Variants in LPIN3 observed in about 807,000 individuals in gnomAD.
The protein encoded by LPIN3 is phosphatidate phosphatase LPIN3.
A neutral mutation model predicts 94.7 loss-of-function variants in LPIN3; 82 were observed. The ratio of observed to expected loss-of-function variants is 0.87; its 90% CI spans 0.72 to 1.04. The LOEUF (loss-of-function observed/expected upper bound fraction) is 1.04, where lower values mean the gene tolerates loss of function less well. Ranked by LOEUF, LPIN3 falls within the 50% of genes least tolerant of loss-of-function variation. The pLI is 0.00. For synonymous variants in LPIN3, 418 were observed against 443.3 expected, an observed-to-expected ratio of 0.94 and a Z score of 0.72; for missense variants, 996 against 1,090.5, an observed-to-expected ratio of 0.91 and a Z score of 1.22.
In LPIN3 at chr20:41,345,851, G is replaced by A. The variant is rs1230113100; in HGVS notation, c.48G>A (p.Lys16=). The A allele has an allele frequency of 1.7e-5, 27 of 1,614,240 alleles. No homozygotes were observed. Among genetic ancestry groups the A allele is most frequent in the Non-Finnish European group, 2.3e-5 (27 of 1,180,042 alleles). The change falls in exon 2 of 20, where the codon AAG becomes AAA. Residue 16 remains lysine (K), a synonymous_variant. Coordinates refer to ENST00000373257, the MANE Select transcript of LPIN3 (RefSeq NM_022896.3). The stretch of plus-strand genomic sequence containing the variant: ...CGGAGACGGTGTTTGGGACGGTGAA[G>A]GAGCTGTACCGGGGCCTGAACCCAG... ...QLAETVFGTV[K]ELYRGLNPAT... is the part of the protein sequence containing the mutation.
chr20:41,344,955 C>T (rs1228020351), intron 1 of LPIN3, among the ~76,000 whole-genome samples: 1 of 152,212 alleles, frequency 6.6e-6, no homozygotes, highest in Admixed American at 6.5e-5. Flanking sequence ...CTTAAGCCCC[C>T]AGCTATAGGG....
rs113508366 is a variant in LPIN3, at chr20:41,353,958, G to C, written c.1528-687G>C. Among the ~76,000 whole-genome samples, 863 of 152,250 alleles carry C rather than the reference G, an allele frequency of 5.7e-3. 3 individuals are homozygous for C. The highest frequency in any genetic ancestry group is 0.015 in the South Asian group (72 of 4,822). On this transcript the variant is annotated intron_variant, in intron 11 of 19. Coordinates refer to ENST00000373257, the MANE Select transcript of LPIN3 (RefSeq NM_022896.3). ...CAGACCCACCGCTTGAGGCCCCTGA[G>C]AGACCCCTACCCCACCAGCCTGTTC...
rs375380137 is a variant in LPIN3, at chr20:41,352,291, A to T, written c.1363+71A>T. ...CCAGAGGATGGGGAGGGCAGGGAAG[A>T]CTGTGAGGGTGGGGCAGTAGAGGTG... On this transcript the variant is annotated intron_variant, in intron 9 of 19. Coordinates refer to ENST00000373257, the MANE Select transcript of LPIN3 (RefSeq NM_022896.3). 4.5e-5 allele frequency: 70 copies of T among 1,560,852 alleles called. 1 individual carries two copies. The East Asian group carries it at 5.2e-4, about 12-fold the overall frequency.
chr20:41,345,221 G>T (rs1170147533), intron 1 of LPIN3, among the ~76,000 whole-genome samples: 2 of 152,118 alleles, frequency 1.3e-5, no homozygotes, highest in African/African-American at 2.4e-5. Flanking sequence ...CAGGGCCCTG[G>T]GCCTGCTATC....
chr20:41,350,268 G>C lies in LPIN3; in HGVS notation c.973G>C (p.Glu325Gln). Residue 325 changes from glutamate to glutamine, a missense_variant, in exon 7 of 20, where the codon GAG (glutamate) becomes CAG (glutamine). Transcript: ENST00000373257. ...AGTGGGTCCCCCTCTCCACACCCCA[G>C]AGACAGAGGAAAGCAAGACTCAGAG... is the stretch of plus-strand genomic sequence containing the variant. ...TLVGPPLHTP[E>Q]TEESKTQSSG... The C allele has an allele frequency of 6.2e-7, 1 of 1,613,776 alleles. No individual in the cohort carries two copies. The highest frequency in any genetic ancestry group is 8.5e-7 in the Non-Finnish European group (1 of 1,179,926).
intron 2 of LPIN3, among the ~76,000 whole-genome samples, chr20:41,346,741 C>CA (rs1600713736): frequency 6.6e-6 from 1 of 152,012 alleles, no homozygotes; most frequent in East Asian, 1.9e-4. Flanking sequence ...AACTCCGTCT[C>CA]AAAAAATAAA....
rs1308685382 is a variant in LPIN3 at position 41,359,967 on chromosome 20, AC to A, written c.*1103del. On this transcript the variant is annotated 3_prime_UTR_variant, in exon 20 of 20. Coordinates refer to ENST00000373257, the MANE Select transcript of LPIN3 (RefSeq NM_022896.3). ...CTGTCTTTGAAGAAAGTAGCTTTAG[AC>A]CGGCTAAAAGCTTTAATCCAGAGCC... The A allele has an allele frequency of 6.6e-6, 1 of 152,600 alleles. No individual in the cohort carries two copies. The highest frequency in any genetic ancestry group is 2.4e-5 in the African/African-American group (1 of 41,454). 9.5% of individuals were successfully genotyped at this position (152,600 alleles called of 1,614,324 possible).
chr20:41,345,272 A>G lies in LPIN3; in HGVS notation c.-8-524A>G, dbSNP rs1315464731. Among the ~76,000 whole-genome samples, 4 of 152,026 alleles carry G rather than the reference A, an allele frequency of 2.6e-5. No homozygotes were observed. In the East Asian group the frequency reaches 7.7e-4, roughly 29 times the overall value. On this transcript the variant is annotated intron_variant, in intron 1 of 19. Coordinates refer to ENST00000373257, the MANE Select transcript of LPIN3 (RefSeq NM_022896.3). ...CTCTTCCCACCCCCTCCGTTTTCAC[A>G]GTTGGACCATCCCAGTGGAACCACA...
At position 41,340,925 on chromosome 20, in the gene LPIN3, A is replaced by G. The variant is rs1170709720; in HGVS notation, c.-86A>G. 4 of 152,260 alleles carry G rather than the reference A, an allele frequency of 2.6e-5. No homozygotes were observed. The highest frequency in any genetic ancestry group is 5.9e-5 in the Non-Finnish European group (4 of 68,102). 9.4% of individuals were successfully genotyped at this position (152,260 alleles called of 1,614,324 possible). A position where few individuals can be genotyped will look rare whatever the true frequency, so the allele number is the denominator to read the frequency against. ...AGCGCCAAGTGACTGAGGGCCGAAG[A>G]CACTCACCTGTGGAGCCTGTGCACG... is the stretch of plus-strand genomic sequence containing the variant. On this transcript the variant is annotated 5_prime_UTR_variant, in exon 1 of 20. Coordinates refer to ENST00000373257, the MANE Select transcript of LPIN3 (RefSeq NM_022896.3).
intron 1 of LPIN3, among the ~76,000 whole-genome samples, 198 bp downstream of exon 1, chr20:41,341,200 A>G (rs1302783655): frequency 6.6e-6 from 1 of 152,090 alleles, no homozygotes; most frequent in Non-Finnish European, 1.5e-5. Flanking sequence ...CCCCCTGGAC[A>G]CCCAGAACGT....
chr20:41,345,537 C>T (rs1166995524), intron 1 of LPIN3, among the ~76,000 whole-genome samples: 2 of 152,200 alleles, frequency 1.3e-5, no homozygotes, highest in African/African-American at 4.8e-5. Context: ...TACCTTGTGC[C>T]CTATTTTACA....
In LPIN3 at chr20:41,346,005, C is replaced by T. The variant is rs1396254905; in HGVS notation, c.192+10C>T. On this transcript the variant is annotated intron_variant, in intron 2 of 19. Transcript: ENST00000373257. ...GTCGCGGGAGAAGGTGGTGAGTGCT[C>T]AGGCTGGCTGAGGTGGCTACTGCAG... The T allele has an allele frequency of 6.2e-7, 1 of 1,610,508 alleles. No individual in the cohort carries two copies. The highest frequency in any genetic ancestry group is 8.5e-7 in the Non-Finnish European group (1 of 1,178,280).
chr20:41,349,785 G>A lies in LPIN3; in HGVS notation c.650G>A (p.Gly217Asp), dbSNP rs779525857. The A allele has an allele frequency of 6.2e-7, 1 of 1,613,376 alleles. No individual in the cohort carries two copies. Among genetic ancestry groups the A allele is most frequent in the African/African-American group, 1.3e-5 (1 of 75,044 alleles). ...EWPPQASLSA[G>D]ELTSPKSDSE... Reference sequence around the variant, plus strand: ...TATGTCTCCTGCAGCCTCTCAGCAGGTGAGCTAACATCCCCTAAGAGCGAC... The same window carrying A: ...TATGTCTCCTGCAGCCTCTCAGCAGATGAGCTAACATCCCCTAAGAGCGAC... The change falls in exon 6 of 20, where the codon GGT becomes GAT. Residue 217 changes from glycine (G) to aspartate (D), a missense_variant. Coordinates refer to ENST00000373257, the MANE Select transcript of LPIN3 (RefSeq NM_022896.3).
rs146929537 is a variant in LPIN3, at chr20:41,358,772, G to A, written c.2462G>A (p.Arg821His). 1.1e-4 allele frequency: 176 copies of A among 1,613,994 alleles called. No homozygotes were observed. Among genetic ancestry groups the A allele is most frequent in the Non-Finnish European group, 1.3e-4 (154 of 1,180,032 alleles). ...VVELLFPPVA[R>H]GPSTDLANPE... ...GAGCTCCTCTTCCCACCTGTGGCCC[G>A]TGGCCCCAGCACAGACCTGGCCAAC... The change falls in exon 20 of 20, where the codon CGT becomes CAT. Residue 821 changes from arginine (R) to histidine (H), a missense_variant. Arg to His is a conservative substitution (Grantham distance 29, BLOSUM62 0). Transcript: ENST00000373257.
chr20:41,349,848 T>A lies in LPIN3; in HGVS notation c.713T>A (p.Leu238Gln), dbSNP rs893919782. 4 of 1,613,520 alleles carry A rather than the reference T, an allele frequency of 2.5e-6. No individual in the cohort carries two copies. Among genetic ancestry groups the A allele is most frequent in the Non-Finnish European group, 3.4e-6 (4 of 1,179,992 alleles). Residue 238 changes from leucine to glutamine, a missense_variant, in exon 6 of 20, where the codon CTA (leucine) becomes CAA (glutamine). Physicochemically the swap from Leu to Gln is moderately radical, Grantham distance 113. Transcript: ENST00000373257. Reference sequence around the variant, plus strand: ...GTGCGGACCCCGGAGCCCAGTCCCCTAAGAGCCGAGTCCCACATGCAGTGG... The same window carrying A: ...GTGCGGACCCCGGAGCCCAGTCCCCAAAGAGCCGAGTCCCACATGCAGTGG... ...LEVRTPEPSPLRAESHMQWAW... is the reference protein window; with the variant it reads ...LEVRTPEPSPQRAESHMQWAW...
chr20:41,359,486 G>T lies in LPIN3; in HGVS notation c.*620G>T, dbSNP rs1027268069. The T allele has an allele frequency of 2.6e-5, 4 of 152,156 alleles. No homozygotes were observed. Among genetic ancestry groups the T allele is most frequent in the African/African-American group, 9.7e-5 (4 of 41,418 alleles). 9.4% of individuals were successfully genotyped at this position (152,156 alleles called of 1,614,324 possible). A position where few individuals can be genotyped will look rare whatever the true frequency, so the allele number is the denominator to read the frequency against. ...GATATCTGTCTCCCTGTCAACCTGG[G>T]ACCTTGCTGTAAGTCTTGATAGGAC... On this transcript the variant is annotated 3_prime_UTR_variant, in exon 20 of 20. Transcript: ENST00000373257.
Position 41,348,974 on chromosome 20 carries a change from C to T in LPIN3, c.557+87C>T, listed in dbSNP as rs146630938. Reference sequence around the variant, plus strand: ...CATGCTGTGTGACTTTGGGCAAGGGCCTTGACCTCTCTGAGCAGTAGTTGC... The same window carrying T: ...CATGCTGTGTGACTTTGGGCAAGGGTCTTGACCTCTCTGAGCAGTAGTTGC... On this transcript the variant is annotated intron_variant, in intron 4 of 19. Coordinates refer to ENST00000373257, the MANE Select transcript of LPIN3 (RefSeq NM_022896.3). 7.5e-4 allele frequency: 1,180 copies of T among 1,577,064 alleles called. 12 individuals carry two copies. In the African/African-American group the frequency reaches 8.8e-3, roughly 12 times the overall value.
At chr20:41,358,685 C>T (rs75320465) in intron 19 of LPIN3, 37 bp from the exon 20 acceptor site, 32,134 of 1,608,802 alleles carry the variant, frequency 0.02, 496 homozygotes, top group Middle Eastern at 0.034. Flanking sequence ...CGTTTGGTGG[C>T]AGCTCAGGCT....
rs550513856 is a variant in LPIN3 at position 41,343,273 on chromosome 20, C to T, written c.-9+2271C>T. 2.6e-5 allele frequency among the ~76,000 whole-genome samples: 4 copies of T among 152,226 alleles called. No homozygotes were observed. In the East Asian group the frequency reaches 7.7e-4, roughly 29 times the overall value. On this transcript the variant is annotated intron_variant, in intron 1 of 19. Coordinates refer to ENST00000373257, the MANE Select transcript of LPIN3 (RefSeq NM_022896.3). ...CCTTTGCCCCAACCCCGGCTCTGCC[C>T]CTCCCCATGCTTGCTCCTTAATTCC...
Sources: allele counts gnomAD v4.1 joint callset (sites outside exome capture counted in the v4.1 genomes callset), GRCh38; gene constraint gnomAD v4.1.1; transcripts MANE v1.5; gene names NCBI Gene and HGNC (gene_info 2026-07-23, HGNC 2026-07-21).